Variants in GPHN observed in about 807,000 individuals in gnomAD.
The protein encoded by GPHN is gephyrin.
In GPHN, 17 loss-of-function variants were observed where a neutral mutation model predicts 95.5. The ratio of observed to expected loss-of-function variants is 0.18; its 90% CI spans 0.12 to 0.27. The LOEUF (loss-of-function observed/expected upper bound fraction) is 0.27. GPHN is among the 10% of genes least tolerant of loss of function. GPHN has a pLI of 1.00. For missense variants in GPHN, 660 were observed against 978.1 expected (o/e 0.67, Z 4.34); for synonymous variants, 320 against 322.5 (o/e 0.99, Z 0.08).
At chr14:66,738,984 T>C (rs957500404) in intron 2 of GPHN, among the ~76,000 whole-genome samples, 1 of 152,050 alleles carries the variant, frequency 6.6e-6, no homozygotes, top group African/African-American at 2.4e-5. Flanking sequence ...TGGCGTTCTA[T>C]TGAAACATGT....
At chr14:66,874,382 T>G (rs8003434) in intron 4 of GPHN, among the ~76,000 whole-genome samples, 36,932 of 151,938 alleles carry the variant, frequency 0.24, 6,384 homozygotes, top group African/African-American at 0.46. Context: ...GCCAGCAAGG[T>G]ATCAAAACTG....
At chr14:66,772,862 T>C (rs1353832310) in intron 2 of GPHN, among the ~76,000 whole-genome samples, 1 of 152,236 alleles carries the variant, frequency 6.6e-6, no homozygotes, top group Non-Finnish European at 1.5e-5. Context: ...AACCGTCCCC[T>C]TGGTATGTGT....
intron 10 of GPHN, among the ~76,000 whole-genome samples, chr14:67,035,450 AG>A (rs1269141426): frequency 6.6e-6 from 1 of 151,932 alleles, no homozygotes; most frequent in Non-Finnish European, 1.5e-5. Context: ...AATGAAACTA[AG>A]AGTAGGATTC....
At chr14:67,265,702 C>T in the GPHN span, among the ~76,000 whole-genome samples, 2 of 151,828 alleles carry the variant, frequency 1.3e-5, no homozygotes, top group African/African-American at 4.8e-5. Context: ...ACTAAAAATA[C>T]AAAAATTAAC....
chr14:66,911,472 T>C lies in GPHN; in HGVS notation c.390-4531T>C, dbSNP rs1489446742. Among the ~76,000 whole-genome samples, 5 of 152,126 alleles carry C rather than the reference T, an allele frequency of 3.3e-5. No homozygotes were observed. The East Asian group carries it at 9.6e-4, about 29-fold the overall frequency. On this transcript the variant is annotated intron_variant, in intron 5 of 22. Coordinates refer to ENST00000478722, the MANE Select transcript of GPHN (RefSeq NM_020806.5). ...GTTTTACAAAAAAGTAAGAATGTTT[T>C]AAAATTCAGGATAATAGTTATTTGG...
chr14:67,693,517 GAA>G, the GPHN span, among the ~76,000 whole-genome samples: 1 of 145,862 alleles, frequency 6.9e-6, no homozygotes. Flanking sequence ...AAATAAACAA[GAA>G]AAAAAAAACA....
the GPHN span, among the ~76,000 whole-genome samples, chr14:67,196,147 G>A: frequency 6.6e-6 from 1 of 151,996 alleles, no homozygotes; most frequent in Admixed American, 6.6e-5. Context: ...CTAGTCTTTA[G>A]GACCTTCTTC....
chr14:67,252,171 C>A, the GPHN span, among the ~76,000 whole-genome samples: 2 of 152,002 alleles, frequency 1.3e-5, no homozygotes, highest in African/African-American at 4.8e-5. Flanking sequence ...GCCATTCAAG[C>A]AAATTATTTT....
the GPHN span, chr14:67,338,334 G>C: frequency 2.3e-5 from 6 of 260,860 alleles, no homozygotes; most frequent in African/African-American, 4.4e-5. Context: ...TAATATGCTT[G>C]GTAAGCAGAT....
the GPHN span, chr14:67,323,802 A>G: frequency 6.4e-7 from 1 of 1,557,780 alleles, no homozygotes; most frequent in Non-Finnish European, 8.8e-7. Context: ...AAAGAAGGCA[A>G]GAATCCAAAG....
chr14:67,135,509 T>C (rs951200852), intron 17 of GPHN, among the ~76,000 whole-genome samples: 19 of 152,332 alleles, frequency 1.2e-4, no homozygotes, highest in African/African-American at 4.3e-4. Flanking sequence ...GATATGTTGA[T>C]GTTAATTTAC....
chr14:67,193,213 CATCT>C, the GPHN span, among the ~76,000 whole-genome samples: 92 of 121,926 alleles, frequency 7.5e-4, no homozygotes, highest in Non-Finnish European at 9.1e-4. Context: ...TCTATATAGA[CATCT>C]ATCTATATAT....
chr14:67,023,647 C>T lies in GPHN; in HGVS notation c.978C>T (p.Cys326=), dbSNP rs188690745. Residue 326 remains cysteine, a synonymous_variant, in exon 10 of 23, where the codon TGC becomes TGT. Coordinates refer to ENST00000478722, the MANE Select transcript of GPHN (RefSeq NM_020806.5). The part of the protein sequence containing the change: ...SCPTPKVQSR[C]SSKENILRAS... Reference sequence around the variant, plus strand: ...TCTTTCTACAGGTCCAGTCCAGGTGCAGCAGCAAGGAGAACATTCTCAGAG... The same window carrying T: ...TCTTTCTACAGGTCCAGTCCAGGTGTAGCAGCAAGGAGAACATTCTCAGAG... The T allele has an allele frequency of 1.2e-6, 2 of 1,613,228 alleles. No homozygotes were observed. Among genetic ancestry groups the T allele is most frequent in the Admixed American group, 1.7e-5 (1 of 59,998 alleles).
At chr14:66,893,172 T>C (rs2064617154) in intron 5 of GPHN, among the ~76,000 whole-genome samples, 1 of 152,200 alleles carries the variant, frequency 6.6e-6, no homozygotes, top group South Asian at 2.1e-4. Flanking sequence ...TAGCTGGACT[T>C]ATTTGTTATA....
chr14:67,029,448 C>T lies in GPHN; in HGVS notation c.1006+5773C>T, dbSNP rs141776124. Among the ~76,000 whole-genome samples, 45 of 152,180 alleles carry T rather than the reference C, an allele frequency of 3.0e-4. No individual in the cohort carries two copies. In the East Asian group the frequency reaches 4.3e-3, roughly 14 times the overall value. On this transcript the variant is annotated intron_variant, in intron 10 of 22. Coordinates refer to ENST00000478722, the MANE Select transcript of GPHN (RefSeq NM_020806.5). ...TACTTCCCGGATTCAAGTGATTCTCCTGCCTCAGCCTCCCAAGTAGCTGGG... is the reference window on the plus strand; with the variant it reads ...TACTTCCCGGATTCAAGTGATTCTCTTGCCTCAGCCTCCCAAGTAGCTGGG...
chr14:67,090,801 G>T (rs1212708661), intron 12 of GPHN, among the ~76,000 whole-genome samples: 7 of 151,916 alleles, frequency 4.6e-5, no homozygotes, highest in Admixed American at 4.6e-4. Context: ...TTCCATCTGT[G>T]TAACTTTGAG....
intron 9 of GPHN, among the ~76,000 whole-genome samples, chr14:67,018,194 C>T (rs901106744): frequency 1.3e-5 from 2 of 151,992 alleles, no homozygotes; most frequent in Admixed American, 6.6e-5. Context: ...CAAATCTAAA[C>T]CTAGGTTGTA....
rs948244178 is a variant in GPHN, at chr14:66,615,833, GT to G, written c.65-65264del. Among the ~76,000 whole-genome samples, 224 of 147,482 alleles carry G rather than the reference GT, an allele frequency of 1.5e-3. 1 individual carries two copies. The highest frequency in any genetic ancestry group is 5.0e-3 in the African/African-American group (203 of 40,300). ...TGATATTGCCTAGGTTTTCTTGTAG[GT>G]TTTTTTTTTATGGTTTTGGGTTTTA... On this transcript the variant is annotated intron_variant, in intron 1 of 22. Coordinates refer to ENST00000478722, the MANE Select transcript of GPHN (RefSeq NM_020806.5).
the GPHN span, among the ~76,000 whole-genome samples, chr14:67,680,037 G>C: frequency 4.6e-5 from 7 of 152,288 alleles, no homozygotes; most frequent in African/African-American, 1.4e-4. Flanking sequence ...CCAGCAGCAG[G>C]AGCATCAACT....
Sources: allele counts gnomAD v4.1 joint callset (sites outside exome capture counted in the v4.1 genomes callset), GRCh38; gene constraint gnomAD v4.1.1; transcripts MANE v1.5; gene names NCBI Gene and HGNC (gene_info 2026-07-23, HGNC 2026-07-21).